The following HS6ST3 variants were observed in gnomAD, a reference collection of about 807,000 sequenced individuals.
HS6ST3 encodes heparan-sulfate 6-O-sulfotransferase 3.
Under a neutral mutation model 36.7 loss-of-function variants are expected in HS6ST3, and 12 were observed. The observed-to-expected ratio is 0.33, with a 90% CI of 0.21 to 0.53. The LOEUF is 0.53. HS6ST3 is among the 20% of genes least tolerant of loss of function. The pLI, the probability that HS6ST3 is intolerant of heterozygous loss-of-function variation, is 0.95. For missense variants in HS6ST3, 584 were observed against 640.9 expected (o/e 0.91, Z 0.96); for synonymous variants, 240 against 257.5 (o/e 0.93, Z 0.65).
At chr13:96,362,063 T>A (rs191106586) in intron 1 of HS6ST3, among the ~76,000 whole-genome samples, 213 of 152,166 alleles carry the variant, frequency 1.4e-3, no homozygotes, top group Non-Finnish European at 2.5e-3. Context: ...CAGTGCTAGG[T>A]AATAGGTGAG....
intron 1 of HS6ST3, among the ~76,000 whole-genome samples, chr13:96,541,279 C>T (rs1043951286): frequency 2.0e-5 from 3 of 152,048 alleles, no homozygotes; most frequent in Admixed American, 6.5e-5. Context: ...TCAAATGATC[C>T]ACCCGCCTTA....
chr13:96,785,311 T>C (rs1349639610), intron 1 of HS6ST3, among the ~76,000 whole-genome samples: 1 of 152,172 alleles, frequency 6.6e-6, no homozygotes, highest in East Asian at 1.9e-4. Context: ...TTGATGAACA[T>C]GGCTTGATTA....
chr13:96,431,438 TG>T (rs1418375586), intron 1 of HS6ST3, among the ~76,000 whole-genome samples: 4 of 152,172 alleles, frequency 2.6e-5, no homozygotes, highest in African/African-American at 9.7e-5. Context: ...CACAGGGGTG[TG>T]GTTTTAACCT....
chr13:96,090,815 T>TGCCGCCGCCGCC lies in HS6ST3; in HGVS notation c.-39_-28dup, dbSNP rs759363125. On this transcript the variant is annotated 5_prime_UTR_variant, in exon 1 of 2. Transcript: ENST00000376705. ...CTTCCGAGCGGGCGCCCGTCCGCCCTGCCGCCGCCGCCGCCGCCGCTTCGC... is the reference window on the plus strand; with the variant it reads ...CTTCCGAGCGGGCGCCCGTCCGCCCTGCCGCCGCCGCCGCCGCCGCCGCCGCCGCCGCTTCGC... The TGCCGCCGCCGCC allele has an allele frequency of 2.1e-6, 3 of 1,431,380 alleles. 1 individual carries two copies. Among genetic ancestry groups the TGCCGCCGCCGCC allele is most frequent in the African/African-American group, 3.0e-5 (2 of 66,640 alleles). 88.7% of individuals were successfully genotyped at this position (1,431,380 alleles called of 1,614,324 possible). A position where few individuals can be genotyped will look rare whatever the true frequency, so the allele number is the denominator to read the frequency against.
intron 1 of HS6ST3, among the ~76,000 whole-genome samples, chr13:96,540,757 C>T (rs560041652): frequency 2.4e-4 from 36 of 152,268 alleles, no homozygotes; most frequent in African/African-American, 7.7e-4. Context: ...TAGTTTCAGA[C>T]GTCTAAATTA....
At chr13:96,409,841 G>T (rs1335662452) in intron 1 of HS6ST3, among the ~76,000 whole-genome samples, 1 of 152,058 alleles carries the variant, frequency 6.6e-6, no homozygotes, top group African/African-American at 2.4e-5. Context: ...AAAAAGATCT[G>T]TTACACCATA....
intron 1 of HS6ST3, among the ~76,000 whole-genome samples, chr13:96,158,002 T>A (rs2054118238): frequency 6.6e-6 from 1 of 152,110 alleles, no homozygotes; most frequent in African/African-American, 2.4e-5. Context: ...GGATGGTAAA[T>A]GCTGTGTTAC....
At chr13:96,378,810 T>G (rs1292001101) in intron 1 of HS6ST3, among the ~76,000 whole-genome samples, 1 of 152,180 alleles carries the variant, frequency 6.6e-6, no homozygotes, top group South Asian at 2.1e-4. Flanking sequence ...GCGGTGACTT[T>G]TCTAATTTTT....
intron 1 of HS6ST3, among the ~76,000 whole-genome samples, chr13:96,546,667 AT>A (rs554128202): frequency 1.2e-4 from 18 of 152,302 alleles, no homozygotes; most frequent in Non-Finnish European, 2.2e-4. Context: ...AGCTTGAAGA[AT>A]TTGCATAAAA....
At chr13:96,423,160 C>A (rs2055569621) in intron 1 of HS6ST3, among the ~76,000 whole-genome samples, 1 of 152,116 alleles carries the variant, frequency 6.6e-6, no homozygotes, top group Non-Finnish European at 1.5e-5. Context: ...ACTCTTTTCT[C>A]CTTAAGAATG....
chr13:96,239,196 A>G (rs2054548759), intron 1 of HS6ST3, among the ~76,000 whole-genome samples: 1 of 152,234 alleles, frequency 6.6e-6, no homozygotes, highest in Non-Finnish European at 1.5e-5. Context: ...ATTAAAGTTG[A>G]GAAAGTTTGG....
intron 1 of HS6ST3, among the ~76,000 whole-genome samples, chr13:96,411,980 T>C (rs2055509783): frequency 6.6e-6 from 1 of 152,002 alleles, no homozygotes; most frequent in South Asian, 2.1e-4. Context: ...GTGGTATGCC[T>C]GGTATTTCTT....
intron 1 of HS6ST3, among the ~76,000 whole-genome samples, chr13:96,801,506 T>C (rs1223914385): frequency 2.0e-5 from 3 of 152,000 alleles, no homozygotes; most frequent in Non-Finnish European, 4.4e-5. Context: ...AGGGTTGCCT[T>C]TATATATGTG....
chr13:96,706,413 T>TTTTATATATATATATATATATA (rs5805987), intron 1 of HS6ST3, among the ~76,000 whole-genome samples: 5 of 121,026 alleles, frequency 4.1e-5, no homozygotes, highest in African/African-American at 1.8e-4. Flanking sequence ...AGAATATATT[T>TTTTATATATATATATATATATA]TATATATATA....
intron 1 of HS6ST3, among the ~76,000 whole-genome samples, chr13:96,295,054 A>G (rs983147627): frequency 1.3e-5 from 2 of 152,132 alleles, no homozygotes; most frequent in Non-Finnish European, 2.9e-5. Flanking sequence ...GTTTTAAAAA[A>G]TAGTATGTGG....
Position 96,643,301 on chromosome 13 carries a change from T to A in HS6ST3, c.708-189189T>A, listed in dbSNP as rs533658397. Among the ~76,000 whole-genome samples, 9 of 152,038 alleles carry A rather than the reference T, an allele frequency of 5.9e-5. No homozygotes were observed. In the East Asian group the frequency reaches 1.8e-3, roughly 30 times the overall value. On this transcript the variant is annotated intron_variant, in intron 1 of 1. Coordinates refer to ENST00000376705, the MANE Select transcript of HS6ST3 (RefSeq NM_153456.4). ...TGCTCATTCTTAGTCTTCATTTTTTTACTCATACAGAACCCCAAGTCCAGC... is the reference window on the plus strand; with the variant it reads ...TGCTCATTCTTAGTCTTCATTTTTTAACTCATACAGAACCCCAAGTCCAGC...
intron 1 of HS6ST3, among the ~76,000 whole-genome samples, chr13:96,171,497 C>G (rs1297507899): frequency 6.6e-6 from 1 of 152,144 alleles, no homozygotes; most frequent in Non-Finnish European, 1.5e-5. Flanking sequence ...GATATATTTT[C>G]TTTGACAATA....
At chr13:96,281,993 A>G (rs1179777769) in intron 1 of HS6ST3, among the ~76,000 whole-genome samples, 1 of 152,176 alleles carries the variant, frequency 6.6e-6, no homozygotes, top group Admixed American at 6.5e-5. Flanking sequence ...AAAGTTCTGT[A>G]CTTATGTGAA....
rs537706785 is a variant in HS6ST3, at chr13:96,225,686, T to A, written c.707+134117T>A. ...ATAAATGATACATTTACAAATGGAT[T>A]CTGGGTTTTTTATTCTGTGTTATTT... On this transcript the variant is annotated intron_variant, in intron 1 of 1. Coordinates refer to ENST00000376705, the MANE Select transcript of HS6ST3 (RefSeq NM_153456.4). Among the ~76,000 whole-genome samples, 4 of 152,350 alleles carry A rather than the reference T, an allele frequency of 2.6e-5. No homozygotes were observed. The South Asian group carries it at 8.3e-4, about 32-fold the overall frequency.
Sources: gnomAD v4.1 joint callset for allele counts (sites outside exome capture counted in the v4.1 genomes callset) on GRCh38, gnomAD v4.1.1 for gene constraint, MANE v1.5 for transcripts, NCBI Gene and HGNC (gene_info 2026-07-23, HGNC 2026-07-21) for gene names.